The following MOXD1 variants were observed in gnomAD, a reference collection of about 807,000 sequenced individuals.
MOXD1 encodes the protein monooxygenase DBH like 1, also known as DBH-like monooxygenase protein 1.
A neutral mutation model predicts 66.6 loss-of-function variants in MOXD1; 62 were observed. The ratio of observed to expected loss-of-function variants is 0.93; its 90% CI spans 0.76 to 1.15. MOXD1 has a LOEUF of 1.15. Among genes scored for constraint, MOXD1 ranks in the 50% most tolerant of loss-of-function variants. The pLI, the probability that MOXD1 is intolerant of heterozygous loss-of-function variation, is 0.00. For synonymous variants in MOXD1, 303 were observed against 281.9 expected, an observed-to-expected ratio of 1.07 and a Z score of -0.75; for missense variants, 847 against 754.6, an observed-to-expected ratio of 1.12 and a Z score of -1.44.
Position 132,401,219 on chromosome 6 carries a change from T to C in MOXD1, c.208A>G (p.Met70Val). The change falls in exon 1 of 12, where the codon ATG becomes GTG. Residue 70 changes from methionine to valine, a missense_variant. Transcript: ENST00000367963. ...VGFGFSPTGA[M>V]ASADIVVGGV... is the part of the protein sequence containing the mutation. ...CCCACGACGATGTCGGCGGACGCCATGGCCCCGGTGGGCGAGAAGCCGAAG... is the reference window on the plus strand; with the variant it reads ...CCCACGACGATGTCGGCGGACGCCACGGCCCCGGTGGGCGAGAAGCCGAAG... The C allele has an allele frequency of 7.6e-6, 12 of 1,572,158 alleles. No homozygotes were observed. Among genetic ancestry groups the C allele is most frequent in the Non-Finnish European group, 9.4e-6 (11 of 1,167,424 alleles).
intron 4 of MOXD1, among the ~76,000 whole-genome samples, chr6:132,363,528 T>G (rs1427246317): frequency 6.6e-6 from 1 of 152,102 alleles, no homozygotes; most frequent in African/African-American, 2.4e-5. Context: ...AAGGCCTGGA[T>G]AGATATTTAG....
intron 4 of MOXD1, among the ~76,000 whole-genome samples, chr6:132,360,231 C>A (rs1355860775): frequency 1.3e-5 from 2 of 152,170 alleles, no homozygotes; most frequent in Non-Finnish European, 2.9e-5. Context: ...GCTAAACCAG[C>A]AAAAGTGTTT....
At chr6:132,312,940 T>C (rs988665355) in intron 10 of MOXD1, among the ~76,000 whole-genome samples, 9 of 152,176 alleles carry the variant, frequency 5.9e-5, no homozygotes, top group Non-Finnish European at 7.3e-5. Flanking sequence ...GTAAAAAATA[T>C]TCTAAATGAG....
At chr6:132,370,273 C>T (rs1461392415) in intron 4 of MOXD1, among the ~76,000 whole-genome samples, 3 of 151,922 alleles carry the variant, frequency 2.0e-5, no homozygotes, top group Non-Finnish European at 4.4e-5. Flanking sequence ...GAAAAAAGAG[C>T]ATGGAAATCA....
At position 132,340,282 on chromosome 6, in the gene MOXD1, T is replaced by C. The variant is rs117890712; in HGVS notation, c.664-11688A>G. ...GTTGAAATAAAAATGGGTTTGATGA[T>C]GATAATAACTGTCAATGACAATTAT... On this transcript the variant is annotated intron_variant, in intron 4 of 11. Coordinates refer to ENST00000367963, the MANE Select transcript of MOXD1 (RefSeq NM_015529.4). Among the ~76,000 whole-genome samples the C allele has an allele frequency of 1.9e-4, 29 of 152,348 alleles. No individual in the cohort carries two copies. In the East Asian group the frequency reaches 5.4e-3, roughly 28 times the overall value.
chr6:132,381,869 C>T (rs986781596), intron 1 of MOXD1, among the ~76,000 whole-genome samples: 1 of 152,096 alleles, frequency 6.6e-6, no homozygotes, highest in African/African-American at 2.4e-5. Flanking sequence ...AAACTTCCTA[C>T]ATCATTTTCA....
At chr6:132,400,636 C>T (rs1006873861) in intron 1 of MOXD1, among the ~76,000 whole-genome samples, 3 of 152,206 alleles carry the variant, frequency 2.0e-5, no homozygotes, top group African/African-American at 7.2e-5. Context: ...CTAAGCGATT[C>T]TTAGGGGCCC....
Position 132,308,719 on chromosome 6 carries a change from T to C in MOXD1, c.1508+6916A>G, listed in dbSNP as rs1774753865. On this transcript the variant is annotated intron_variant, in intron 10 of 11. Transcript: ENST00000367963. ...TGGGATACAAGGCAGGTTCAACCCATGCAAATCAATAAACATAATCCATCA... is the reference window on the plus strand; with the variant it reads ...TGGGATACAAGGCAGGTTCAACCCACGCAAATCAATAAACATAATCCATCA... 2.0e-5 allele frequency among the ~76,000 whole-genome samples: 3 copies of C among 152,090 alleles called. No homozygotes were observed. The South Asian group carries it at 6.2e-4, about 32-fold the overall frequency.
chr6:132,397,698 G>GAA (rs869225642), intron 1 of MOXD1, among the ~76,000 whole-genome samples: 1 of 139,654 alleles, frequency 7.2e-6, no homozygotes, highest in Non-Finnish European at 1.6e-5. Context: ...AAGAAAGAAA[G>GAA]AAAAAGAAAG....
At position 132,364,271 on chromosome 6, in the gene MOXD1, A is replaced by G. The variant is rs9493293; in HGVS notation, c.663+8337T>C. ...AGCTATGAAATCTAATTCCCAGGGAATCTTTTCTTCAAAATAAAATAGAGA... is the reference window on the plus strand; with the variant it reads ...AGCTATGAAATCTAATTCCCAGGGAGTCTTTTCTTCAAAATAAAATAGAGA... On this transcript the variant is annotated intron_variant, in intron 4 of 11. Coordinates refer to ENST00000367963, the MANE Select transcript of MOXD1 (RefSeq NM_015529.4). 9.0e-3 allele frequency among the ~76,000 whole-genome samples: 1,371 copies of G among 152,196 alleles called. 25 individuals are homozygous for G. The highest frequency in any genetic ancestry group is 0.032 in the African/African-American group (1,309 of 41,530).
intron 1 of MOXD1, among the ~76,000 whole-genome samples, chr6:132,381,345 T>C (rs1210471162): frequency 6.6e-6 from 1 of 152,160 alleles, no homozygotes; most frequent in Non-Finnish European, 1.5e-5. Flanking sequence ...ATTAAGAAAA[T>C]ACATGGACTG....
intron 1 of MOXD1, among the ~76,000 whole-genome samples, chr6:132,379,846 G>A (rs1033396923): frequency 6.6e-6 from 1 of 151,842 alleles, no homozygotes; most frequent in African/African-American, 2.4e-5. Context: ...TTTGAGACAG[G>A]GTCTCACTTT....
intron 10 of MOXD1, among the ~76,000 whole-genome samples, chr6:132,299,060 G>C (rs183358708): frequency 7.2e-5 from 11 of 152,140 alleles, no homozygotes; most frequent in Non-Finnish European, 1.6e-4. Flanking sequence ...AAGAAAATGT[G>C]GTACATATAC....
intron 4 of MOXD1, among the ~76,000 whole-genome samples, chr6:132,333,737 A>G (rs1427262090): frequency 2.0e-5 from 3 of 152,234 alleles, no homozygotes; most frequent in Non-Finnish European, 4.4e-5. Context: ...GGTGGGGTGT[A>G]CAGACCCAGA....
chr6:132,322,906 C>T (rs1278676088), intron 7 of MOXD1, 36 bp from the exon 8 acceptor site: 2 of 1,540,410 alleles, frequency 1.3e-6, no homozygotes, highest in East Asian at 2.3e-5. Context: ...GATTAGCCCA[C>T]ATTAATGCAT....
At chr6:132,322,471 T>C (rs182215598) in intron 8 of MOXD1, among the ~76,000 whole-genome samples, 3 of 152,314 alleles carry the variant, frequency 2.0e-5, no homozygotes. Context: ...CTTGAATTGC[T>C]CCTGGGAATT....
At position 132,349,412 on chromosome 6, in the gene MOXD1, T is replaced by TATACATAC. The variant is rs1554234235; in HGVS notation, c.664-20819_664-20818insGTATGTAT. Among the ~76,000 whole-genome samples the TATACATAC allele has an allele frequency of 3.1e-3, 262 of 84,414 alleles. 35 individuals carry two copies. The East Asian group carries it at 0.078, about 25-fold the overall frequency. The allele number at this position is 84,414 out of a possible 152,430, so 55.4% of individuals were successfully genotyped here. On this transcript the variant is annotated intron_variant, in intron 4 of 11. Transcript: ENST00000367963. The stretch of plus-strand genomic sequence containing the variant: ...ATATATACACATATATATACATATA[T>TATACATAC]ATATATATACATATATATATATACA...
chr6:132,322,904 C>T (rs1775108832), intron 7 of MOXD1, 34 bp from the exon 8 acceptor site: 1 of 1,543,006 alleles, frequency 6.5e-7, no homozygotes, highest in African/African-American at 1.4e-5. Flanking sequence ...CCGATTAGCC[C>T]ACATTAATGC....
At chr6:132,323,242 A>ATAT (rs1775117481) in intron 7 of MOXD1, among the ~76,000 whole-genome samples, 1 of 152,228 alleles carries the variant, frequency 6.6e-6, no homozygotes, top group South Asian at 2.1e-4. Flanking sequence ...TCCAGATAAG[A>ATAT]AAGCGAAAGT....
Sources: allele counts gnomAD v4.1 joint callset (sites outside exome capture counted in the v4.1 genomes callset), GRCh38; gene constraint gnomAD v4.1.1; transcripts MANE v1.5; gene names NCBI Gene and HGNC (gene_info 2026-07-23, HGNC 2026-07-21).